FSIP2: variants seen among roughly 807,000 people sequenced by gnomAD.
The protein encoded by FSIP2 is fibrous sheath interacting protein 2.
A neutral mutation model predicts 510.5 loss-of-function variants in FSIP2; 367 were observed. That is an observed-to-expected ratio of 0.72 (90% CI 0.66 to 0.78). The LOEUF (loss-of-function observed/expected upper bound fraction) is 0.78, where lower values mean the gene tolerates loss of function less well. Among genes scored for constraint, FSIP2 ranks in the 30% least tolerant of loss-of-function variants. FSIP2 has a pLI of 0.00. For missense variants in FSIP2, 7,594 were observed against 7,901.7 expected, an observed-to-expected ratio of 0.96 and a Z score of 1.48; for synonymous variants, 2,601 against 2,732.2, an observed-to-expected ratio of 0.95 and a Z score of 1.50.
chr2:185,791,115 TC>T lies in FSIP2; in HGVS notation c.3982del (p.Thr1329GlnfsTer13). The T allele has an allele frequency of 6.5e-7, 1 of 1,532,366 alleles. No homozygotes were observed. Among genetic ancestry groups the T allele is most frequent in the East Asian group, 2.4e-5 (1 of 40,836 alleles). 94.9% of individuals were successfully genotyped at this position (1,532,366 alleles called of 1,614,324 possible). A position where few individuals can be genotyped will look rare whatever the true frequency, so the allele number is the denominator to read the frequency against. ...LNLREIDHTK[S>X]LTDKGFFANT... is the part of the protein sequence containing the mutation. ...TCTTAGGGAGATTGACCATACCAAA[TC>T]CCTTACAGATAAAGGATTTTTTGCT... is the stretch of plus-strand genomic sequence containing the variant. On this transcript the variant is annotated frameshift_variant, in exon 16 of 23. Coordinates refer to ENST00000424728, the MANE Select transcript of FSIP2 (RefSeq NM_173651.4). LOFTEE classifies it high-confidence loss of function.
At chr2:185,811,828 C>A (rs1330410184) in intron 17 of FSIP2, among the ~76,000 whole-genome samples, 1 of 152,052 alleles carries the variant, frequency 6.6e-6, no homozygotes, top group Non-Finnish European at 1.5e-5. Flanking sequence ...CAAAGCATAG[C>A]CTTGGTGGTT....
At chr2:185,823,897 G>C (rs191950403) in intron 19 of FSIP2, among the ~76,000 whole-genome samples, 2 of 151,764 alleles carry the variant, frequency 1.3e-5, no homozygotes, top group Non-Finnish European at 2.9e-5. Flanking sequence ...ATGTTATTCA[G>C]CCTTAAAAAA....
At position 185,743,221 on chromosome 2, in the gene FSIP2, T is replaced by C; in HGVS notation, c.314T>C (p.Leu105Ser). 2 of 1,530,174 alleles carry C rather than the reference T, an allele frequency of 1.3e-6. No individual in the cohort carries two copies. The highest frequency in any genetic ancestry group is 1.7e-6 in the Non-Finnish European group (2 of 1,144,116). The allele number at this position is 1,530,174 out of a possible 1,614,324, so 94.8% of individuals were successfully genotyped here. Residue 105 changes from leucine (L) to serine (S), a missense_variant, in exon 3 of 23, where the codon TTA becomes TCA. Coordinates refer to ENST00000424728, the MANE Select transcript of FSIP2 (RefSeq NM_173651.4). ...TATAAAAGCCTCCATGATCCACATT[T>C]AAAAGCATACTATAAGCGCAAAGAT... ...NQYKSLHDPH[L>S]KAYYKRKDIL...
rs1468122036 is a variant in FSIP2, at chr2:185,806,407, T to A, written c.17101T>A (p.Ser5701Thr). The change falls in exon 17 of 23, where the codon TCG becomes ACG. Residue 5701 changes from serine to threonine, a missense_variant. Physicochemically the swap from Ser to Thr is moderately conservative, Grantham distance 58 (BLOSUM62 1). Transcript: ENST00000424728. ...TTCTTCTCCAGAACCAGCATATTAT[T>A]CGAAACTCAGTTATGACCAAAGCCC... Reference protein sequence around the residue: ...LSSSPEPAYYSKLSYDQSPPG... With the variant: ...LSSSPEPAYYTKLSYDQSPPG... 11 of 1,611,862 alleles carry A rather than the reference T, an allele frequency of 6.8e-6. No individual in the cohort carries two copies. Among genetic ancestry groups the A allele is most frequent in the Admixed American group, 1.7e-5 (1 of 59,798 alleles).
rs772749165 is a variant in FSIP2, at chr2:185,770,747, C to T, written c.1411+6182C>T. Among the ~76,000 whole-genome samples, 79 of 152,112 alleles carry T rather than the reference C, an allele frequency of 5.2e-4. 1 individual carries two copies. The highest frequency in any genetic ancestry group is 1.9e-4 in the East Asian group (1 of 5,196). On this transcript the variant is annotated intron_variant, in intron 13 of 22. Transcript: ENST00000424728. ...AATACAATCATCCCTTCCCAATAGTCCCCCCAAATCTTAACTTATTCCAGC... is the reference window on the plus strand; with the variant it reads ...AATACAATCATCCCTTCCCAATAGTTCCCCCAAATCTTAACTTATTCCAGC...
chr2:185,745,166 C>T (rs1044539807), intron 4 of FSIP2: 3 of 235,458 alleles, frequency 1.3e-5, no homozygotes, highest in Non-Finnish European at 2.4e-5. Flanking sequence ...TCATTCTGTG[C>T]CCAGTGTTTC....
chr2:185,794,961 G>A lies in FSIP2; in HGVS notation c.7825G>A (p.Asp2609Asn), dbSNP rs908619991. The change falls in exon 16 of 23, where the codon GAC becomes AAC. Residue 2609 changes from aspartate to asparagine, a missense_variant. By Grantham distance (23) the Asp-to-Asn change is conservative. Transcript: ENST00000424728. ...GATATCACAGGCTTATTCTTATGTCGACAGTCAAAATATCTCTGTGATGGA... is the reference window on the plus strand; with the variant it reads ...GATATCACAGGCTTATTCTTATGTCAACAGTCAAAATATCTCTGTGATGGA... ...YAISQAYSYV[D>N]SQNISVMENT... 6.5e-6 allele frequency: 10 copies of A among 1,533,052 alleles called. No homozygotes were observed. The highest frequency in any genetic ancestry group is 2.0e-5 in the Admixed American group (1 of 50,774). 95.0% of individuals were successfully genotyped at this position (1,533,052 alleles called of 1,614,324 possible). A position where few individuals can be genotyped will look rare whatever the true frequency, so the allele number is the denominator to read the frequency against.
rs1693240516 is a variant in FSIP2, at chr2:185,795,287, G to A, written c.8151G>A (p.Met2717Ile). The A allele has an allele frequency of 6.5e-7, 1 of 1,534,994 alleles. No individual in the cohort carries two copies. The highest frequency in any genetic ancestry group is 1.2e-5 in the South Asian group (1 of 84,044). Residue 2717 changes from methionine to isoleucine, a missense_variant, in exon 16 of 23, where the codon ATG becomes ATA. Physicochemically the swap from Met to Ile is conservative, Grantham distance 10. Transcript: ENST00000424728. Reference sequence around the variant, plus strand: ...CTGCCATTGGGTTGTCACACATCATGTCAGCTGGAGATGCCAAAAATTTAC... The same window carrying A: ...CTGCCATTGGGTTGTCACACATCATATCAGCTGGAGATGCCAAAAATTTAC... ...SKTAIGLSHI[M>I]SAGDAKNLLD...
In FSIP2 at chr2:185,803,331, C is replaced by T; in HGVS notation, c.14025C>T (p.Ser4675=). 6.5e-7 allele frequency: 1 copy of T among 1,531,484 alleles called. No individual in the cohort carries two copies. Among genetic ancestry groups the T allele is most frequent in the Non-Finnish European group, 8.7e-7 (1 of 1,144,422 alleles). 94.9% of individuals were successfully genotyped at this position (1,531,484 alleles called of 1,614,324 possible). Residue 4675 remains serine, a synonymous_variant, in exon 17 of 23, where the codon AGC becomes AGT. Transcript: ENST00000424728. The part of the protein sequence containing the change: ...ITGEFSKAQV[S]IIDNTEERLC... ...GGGAATTCTCAAAAGCCCAAGTTAGCATTATAGATAATACTGAGGAAAGAC... is the reference window on the plus strand; with the variant it reads ...GGGAATTCTCAAAAGCCCAAGTTAGTATTATAGATAATACTGAGGAAAGAC...
At chr2:185,815,571 G>A in intron 19 of FSIP2, 100 bp downstream of exon 19, 2 of 527,344 alleles carry the variant, frequency 3.8e-6, no homozygotes, top group Middle Eastern at 3.8e-4. Flanking sequence ...CAAGTATTTA[G>A]CTTCAGACCT....
At position 185,792,705 on chromosome 2, in the gene FSIP2, G is replaced by T; in HGVS notation, c.5569G>T (p.Ala1857Ser). 5 of 1,533,734 alleles carry T rather than the reference G, an allele frequency of 3.3e-6. No homozygotes were observed. Among genetic ancestry groups the T allele is most frequent in the Non-Finnish European group, 4.4e-6 (5 of 1,145,402 alleles). ...VRTVFHKLYSAAMTERNVREN... is the reference protein window; with the variant it reads ...VRTVFHKLYSSAMTERNVREN... Reference sequence around the variant, plus strand: ...GACTGTATTTCACAAACTTTATTCAGCTGCCATGACAGAAAGAAATGTAAG... The same window carrying T: ...GACTGTATTTCACAAACTTTATTCATCTGCCATGACAGAAAGAAATGTAAG... Residue 1857 changes from alanine (A) to serine (S), a missense_variant, in exon 16 of 23, where the codon GCT (alanine) becomes TCT (serine). By Grantham distance (99) the Ala-to-Ser change is moderately conservative. Coordinates refer to ENST00000424728, the MANE Select transcript of FSIP2 (RefSeq NM_173651.4).
At position 185,799,753 on chromosome 2, in the gene FSIP2, A is replaced by G; in HGVS notation, c.10447A>G (p.Lys3483Glu). 2.7e-6 allele frequency: 4 copies of G among 1,503,940 alleles called. No individual in the cohort carries two copies. Among genetic ancestry groups the G allele is most frequent in the Non-Finnish European group, 3.5e-6 (4 of 1,129,850 alleles). 93.2% of individuals were successfully genotyped at this position (1,503,940 alleles called of 1,614,324 possible). ...STWSRKKYES[K>E]QFLRNIYDDS... Reference sequence around the variant, plus strand: ...ATGGTCAAGGAAAAAATATGAATCAAAACAGTTCCTAAGAAACATATACGA... The same window carrying G: ...ATGGTCAAGGAAAAAATATGAATCAGAACAGTTCCTAAGAAACATATACGA... The change falls in exon 17 of 23, where the codon AAA becomes GAA. Residue 3483 changes from lysine (K) to glutamate (E), a missense_variant. By Grantham distance (56) the Lys-to-Glu change is moderately conservative (BLOSUM62 1). Coordinates refer to ENST00000424728, the MANE Select transcript of FSIP2 (RefSeq NM_173651.4).
At chr2:185,745,716 G>A (rs910545266) in intron 5 of FSIP2, 148 bp downstream of exon 5, 2 of 723,458 alleles carry the variant, frequency 2.8e-6, no homozygotes, top group African/African-American at 3.7e-5. Flanking sequence ...AAACCAAGAG[G>A]TGGAAGAATT....
chr2:185,746,851 G>A (rs1692044085), intron 6 of FSIP2, 41 bp downstream of exon 6: 5 of 1,348,668 alleles, frequency 3.7e-6, no homozygotes, highest in East Asian at 2.5e-5. Context: ...GAAAAATTGT[G>A]TACAGTTGTT....
chr2:185,771,652 C>G (rs1023890769), intron 13 of FSIP2, among the ~76,000 whole-genome samples: 1 of 152,146 alleles, frequency 6.6e-6, no homozygotes, highest in Non-Finnish European at 1.5e-5. Flanking sequence ...ATGGGAGGGG[C>G]TTTCCCAAAG....
intron 13 of FSIP2, among the ~76,000 whole-genome samples, chr2:185,777,479 T>G (rs1226864608): frequency 6.6e-6 from 1 of 151,772 alleles, no homozygotes; most frequent in Admixed American, 6.6e-5. Context: ...GCTCCTTGTC[T>G]TCTTTCTTAA....
Position 185,803,924 on chromosome 2 carries a change from A to G in FSIP2, c.14618A>G (p.His4873Arg). The G allele has an allele frequency of 6.6e-7, 1 of 1,522,368 alleles. No individual in the cohort carries two copies. The highest frequency in any genetic ancestry group is 1.2e-5 in the South Asian group (1 of 83,032). 94.3% of individuals were successfully genotyped at this position (1,522,368 alleles called of 1,614,324 possible). A position where few individuals can be genotyped will look rare whatever the true frequency, so the allele number is the denominator to read the frequency against. Residue 4873 changes from histidine (H) to arginine (R), a missense_variant, in exon 17 of 23, where the codon CAT (histidine) becomes CGT (arginine). Physicochemically the swap from His to Arg is conservative, Grantham distance 29. Coordinates refer to ENST00000424728, the MANE Select transcript of FSIP2 (RefSeq NM_173651.4). ...MVDSIYADLSHSNIYQSITKD... is the reference protein window; with the variant it reads ...MVDSIYADLSRSNIYQSITKD... Reference sequence around the variant, plus strand: ...GATTCCATTTATGCTGATCTTTCTCATTCAAATATATACCAGTCCATTACA... The same window carrying G: ...GATTCCATTTATGCTGATCTTTCTCGTTCAAATATATACCAGTCCATTACA...
At position 185,807,455 on chromosome 2, in the gene FSIP2, A is replaced by C. The variant is rs1396019114; in HGVS notation, c.18149A>C (p.Lys6050Thr). 6.2e-7 allele frequency: 1 copy of C among 1,612,692 alleles called. No individual in the cohort carries two copies. Among genetic ancestry groups the C allele is most frequent in the East Asian group, 2.2e-5 (1 of 44,820 alleles). Residue 6050 changes from lysine to threonine, a missense_variant, in exon 17 of 23, where the codon AAG becomes ACG. By Grantham distance (78) the Lys-to-Thr change is moderately conservative (BLOSUM62 -1). Coordinates refer to ENST00000424728, the MANE Select transcript of FSIP2 (RefSeq NM_173651.4). ...LSTELNFLQM[K>T]LVSAVATEIS... The stretch of plus-strand genomic sequence containing the variant: ...ACAGAACTGAATTTCCTTCAAATGA[A>C]GTTAGTAAGTGCAGTTGCAACAGAG...
chr2:185,760,912 T>G, intron 9 of FSIP2, 76 bp from the exon 10 acceptor site: 2 of 499,254 alleles, frequency 4.0e-6, no homozygotes, highest in Non-Finnish European at 6.7e-6. Flanking sequence ...ATACAATTTA[T>G]TGTACTTTGA....
Sources: allele counts gnomAD v4.1 joint callset (sites outside exome capture counted in the v4.1 genomes callset), GRCh38; gene constraint gnomAD v4.1.1; transcripts MANE v1.5; gene names NCBI Gene and HGNC (gene_info 2026-07-23, HGNC 2026-07-21).